Variants in MAP7D3 observed in about 807,000 individuals in gnomAD.
The protein encoded by MAP7D3 is MAP7 domain-containing protein 3.
A neutral mutation model predicts 62.2 loss-of-function variants in MAP7D3; 45 were observed. That is an observed-to-expected ratio of 0.72 (90% CI 0.57 to 0.93). MAP7D3 has a LOEUF of 0.93. Ranked by LOEUF, MAP7D3 falls within the 40% of genes least tolerant of loss-of-function variation. The probability of loss-of-function intolerance (pLI) is 0.00; values close to 1 mark genes in which losing one functional copy is unlikely to be tolerated. For missense variants in MAP7D3, 711 were observed against 683.1 expected, an observed-to-expected ratio of 1.04 and a Z score of -0.45; for synonymous variants, 288 against 248.8, an observed-to-expected ratio of 1.16 and a Z score of -1.48.
intron 11 of MAP7D3, among the ~76,000 whole-genome samples, chrX:136,228,054 G>A (rs915052600): frequency 7.2e-5 from 8 of 111,557 alleles, no homozygotes; most frequent in East Asian, 2.8e-4. Flanking sequence ...TATAAGGCCC[G>A]ACATAAAATA....
In MAP7D3 at chrX:136,246,137, A is replaced by C; in HGVS notation, c.181T>G (p.Ser61Ala). The change falls in exon 3 of 19, where the codon TCC becomes GCC. Residue 61 changes from serine (S) to alanine (A), a missense_variant. Transcript: ENST00000316077. ...TGTTTTATGTCATTTTTAAGCATGG[A>C]TCCATCGATTACTAAAAAAAAAAGA... ...RSTFKPVIDG[S>A]MLKNDIKQRL... The C allele has an allele frequency of 3.4e-6, 4 of 1,187,362 alleles. No homozygotes were observed. Among genetic ancestry groups the C allele is most frequent in the African/African-American group, 3.5e-5 (2 of 57,025 alleles).
In MAP7D3 at chrX:136,226,002, G is replaced by A. The variant is rs763282161; in HGVS notation, c.2046C>T (p.Ala682=). The change falls in exon 13 of 19, where the codon GCC becomes GCT. Residue 682 remains alanine, a synonymous_variant. Transcript: ENST00000316077. ...DQEAPLQKGD[A]KIKAQEEADK... ...CAGCTTCCTCTTGAGCTTTTATTTTGGCGTCCCCTTTCTAGGAAATTTGCA... is the reference window on the plus strand; with the variant it reads ...CAGCTTCCTCTTGAGCTTTTATTTTAGCGTCCCCTTTCTAGGAAATTTGCA... 5.1e-6 allele frequency: 6 copies of A among 1,183,756 alleles called. No individual in the cohort carries two copies. In the Admixed American group the frequency reaches 1.4e-4, roughly 27 times the overall value.
At chrX:136,245,720 T>G (rs1289285320) in intron 3 of MAP7D3, among the ~76,000 whole-genome samples, 1 of 110,383 alleles carries the variant, frequency 9.1e-6, no homozygotes, top group Admixed American at 9.7e-5. Flanking sequence ...GAACTCCAGC[T>G]TGGGTGACAG....
intron 10 of MAP7D3, among the ~76,000 whole-genome samples, chrX:136,229,993 A>ATT (rs1173283842): frequency 1.6e-3 from 76 of 48,097 alleles, no homozygotes; most frequent in African/African-American, 5.7e-3. Context: ...ATATATATAT[A>ATT]TTTTTTTTTT....
At chrX:136,250,611 A>G (rs1450991613) in intron 1 of MAP7D3, among the ~76,000 whole-genome samples, 1 of 111,830 alleles carries the variant, frequency 8.9e-6, no homozygotes, top group Admixed American at 9.4e-5. Flanking sequence ...CAGGAGATGC[A>G]AAGAGCCAAG....
chrX:136,251,615 T>A, upstream of MAP7D3: 1 of 771,084 alleles, frequency 1.3e-6, no homozygotes, highest in Non-Finnish European at 1.6e-6. Context: ...GCTCTGCCCC[T>A]ACTGCATTGT....
chrX:136,255,372 A>G (rs2074546043), upstream of MAP7D3, among the ~76,000 whole-genome samples: 2 of 112,858 alleles, frequency 1.8e-5, no homozygotes, highest in South Asian at 7.2e-4. Context: ...TAATCTGTAG[A>G]TATAACTTCT....
chrX:136,222,649 G>A (rs1390421212), intron 14 of MAP7D3, among the ~76,000 whole-genome samples, 163 bp from the exon 15 acceptor site: 2 of 111,120 alleles, frequency 1.8e-5, no homozygotes, highest in South Asian at 3.8e-4. Context: ...AAGAATCTAC[G>A]GGGGATAGGG....
At chrX:136,251,463 C>A (rs942165096), upstream of MAP7D3, 5 of 135,534 alleles carry the variant, frequency 3.7e-5, no homozygotes, top group Admixed American at 1.8e-4. Context: ...CGGGGCGGGG[C>A]GGGGCGGGGC....
chrX:136,245,153 A>T (rs1178138821), intron 3 of MAP7D3, among the ~76,000 whole-genome samples: 1 of 112,394 alleles, frequency 8.9e-6, no homozygotes, highest in African/African-American at 3.2e-5. Context: ...TAAAATACTA[A>T]TTATTAAAAA....
intron 14 of MAP7D3, among the ~76,000 whole-genome samples, chrX:136,224,514 A>G (rs1254496785): frequency 9.0e-6 from 1 of 110,862 alleles, no homozygotes; most frequent in Non-Finnish European, 1.9e-5. Flanking sequence ...AAAAGAAAAG[A>G]TAAGCTGTAA....
chrX:136,225,732 A>G (rs1005676514), intron 13 of MAP7D3, among the ~76,000 whole-genome samples, 177 bp downstream of exon 13: 1 of 112,292 alleles, frequency 8.9e-6, no homozygotes. Context: ...ATGATCAGTA[A>G]GAGGACAGCC....
At chrX:136,256,140 T>C (rs2074550267), upstream of MAP7D3, 1 of 751,656 alleles carries the variant, frequency 1.3e-6, no homozygotes, top group African/African-American at 2.3e-5. Flanking sequence ...TTTTGTGTTC[T>C]TTCTCCTCTC....
In MAP7D3 at chrX:136,228,627, G is replaced by A. The variant is rs199946922; in HGVS notation, c.1882C>T (p.Gln628Ter). 7 of 1,203,598 alleles carry A rather than the reference G, an allele frequency of 5.8e-6. No homozygotes were observed. The African/African-American group carries it at 8.8e-5, about 15-fold the overall frequency. ...EEERQREEMQ[Q>*]RVIKKSKDMA... ...GAAGGAAGACTTTGTGCTGACCTTT[G>A]CTGCATTTCTTCCCGTTGTCTTTCT... Residue 628 changes from glutamine (Q) to a stop codon, truncating the protein, a stop_gained, in exon 11 of 19, where the codon CAA becomes TAA. Transcript: ENST00000316077. LOFTEE classifies it high-confidence loss of function.
At chrX:136,251,600 TC>T, upstream of MAP7D3, 1 of 797,391 alleles carries the variant, frequency 1.3e-6, no homozygotes, top group Non-Finnish European at 1.5e-6. Flanking sequence ...TCTCCTATGT[TC>T]CGTGCTCTGC....
At chrX:136,224,179 T>A (rs1013766873) in intron 14 of MAP7D3, among the ~76,000 whole-genome samples, 2 of 108,276 alleles carry the variant, frequency 1.8e-5, no homozygotes, top group East Asian at 5.8e-4. Flanking sequence ...GGCAGGTGGA[T>A]AACCTAAGGT....
At position 136,222,451 on chromosome X, in the gene MAP7D3, C is replaced by T. The variant is rs773792930; in HGVS notation, c.2229G>A (p.Glu743=). The T allele has an allele frequency of 8.3e-7, 1 of 1,208,603 alleles. No homozygotes were observed. The highest frequency in any genetic ancestry group is 1.8e-5 in the South Asian group (1 of 56,867). ...TETSSHDIYE[E]AEADNEESDK... is the part of the protein sequence containing the mutation. ...CGCTTTCTTCGTTGTCAGCCTCAGCCTCTTCATATATGTCATGGCTGGATG... is the reference window on the plus strand; with the variant it reads ...CGCTTTCTTCGTTGTCAGCCTCAGCTTCTTCATATATGTCATGGCTGGATG... The change falls in exon 15 of 19, where the codon GAG becomes GAA. Residue 743 remains glutamate, a synonymous_variant. Coordinates refer to ENST00000316077, the MANE Select transcript of MAP7D3 (RefSeq NM_024597.4).
intron 4 of MAP7D3, 21 bp from the exon 5 acceptor site, chrX:136,241,298 C>A (rs1174185692): frequency 2.5e-6 from 2 of 793,883 alleles, no homozygotes; most frequent in Non-Finnish European, 3.7e-6. Context: ...TAAAAGCCAA[C>A]ATATTTTTAC....
intron 13 of MAP7D3, among the ~76,000 whole-genome samples, chrX:136,225,587 A>G (rs1054354179): frequency 6.2e-5 from 7 of 112,131 alleles, no homozygotes; most frequent in African/African-American, 1.3e-4. Flanking sequence ...CCAGTTTAGA[A>G]GAAAGTCTTA....
Sources: allele counts gnomAD v4.1 joint callset (sites outside exome capture counted in the v4.1 genomes callset), GRCh38; gene constraint gnomAD v4.1.1; transcripts MANE v1.5; gene names NCBI Gene and HGNC (gene_info 2026-07-23, HGNC 2026-07-21).